IL7: variants seen among roughly 807,000 people sequenced by gnomAD.
IL7 encodes the protein interleukin 7.
Under a neutral mutation model 21.6 loss-of-function variants are expected in IL7, and 3 were observed. The observed-to-expected ratio is 0.14, with a 90% CI of 0.06 to 0.36. IL7 has a LOEUF of 0.36. Ranked by LOEUF, IL7 falls within the 10% of genes least tolerant of loss-of-function variation. IL7 has a pLI of 1.00. For synonymous variants in IL7, 62 were observed against 68.1 expected, an observed-to-expected ratio of 0.91 and a Z score of 0.44; for missense variants, 175 against 200.2, an observed-to-expected ratio of 0.87 and a Z score of 0.76.
At chr8:78,696,405 G>A (rs2130536844) in intron 3 of IL7, among the ~76,000 whole-genome samples, 1 of 152,256 alleles carries the variant, frequency 6.6e-6, no homozygotes. Context: ...ATGCAAGTAT[G>A]ATTTTCACCT....
intron 3 of IL7, among the ~76,000 whole-genome samples, chr8:78,711,143 G>A (rs1220454139): frequency 6.6e-6 from 1 of 152,102 alleles, no homozygotes; most frequent in Non-Finnish European, 1.5e-5. Context: ...AAAAAGAACA[G>A]ACTTTTAAAG....
chr8:78,685,210 GA>G (rs1376341946), intron 4 of IL7, among the ~76,000 whole-genome samples: 1 of 151,560 alleles, frequency 6.6e-6, no homozygotes, highest in African/African-American at 2.4e-5. Context: ...GTTGTGGGGG[GA>G]CAGGGAGGGG....
chr8:78,738,743 G>A lies in IL7; in HGVS notation c.229-108C>T, dbSNP rs2130684428. The A allele has an allele frequency of 1.0e-5, 9 of 900,890 alleles. No homozygotes were observed. The East Asian group carries it at 1.1e-4, about 11-fold the overall frequency. The allele number at this position is 900,890 out of a possible 1,614,324, so 55.8% of individuals were successfully genotyped here. On this transcript the variant is annotated intron_variant, in intron 3 of 5. Transcript: ENST00000263851. ...GAGCTATGTTGCTAGGTAATGCCCCGCCTCCACCCCAGCTTTCTATTCCAG... is the reference window on the plus strand; with the variant it reads ...GAGCTATGTTGCTAGGTAATGCCCCACCTCCACCCCAGCTTTCTATTCCAG...
At chr8:78,765,118 T>G (rs567752050) in intron 2 of IL7, among the ~76,000 whole-genome samples, 18 of 152,198 alleles carry the variant, frequency 1.2e-4, no homozygotes, top group African/African-American at 4.3e-4. Flanking sequence ...CAACTGGACA[T>G]TCACATCCAC....
intron 3 of IL7, among the ~76,000 whole-genome samples, chr8:78,697,037 G>A (rs754668436): frequency 8.5e-5 from 13 of 152,274 alleles, no homozygotes; most frequent in South Asian, 4.1e-4. Flanking sequence ...CTGAGAGGGA[G>A]TCTAGTTTGG....
chr8:78,717,180 C>A, downstream of IL7: 4 of 658,334 alleles, frequency 6.1e-6, no homozygotes, highest in Non-Finnish European at 9.4e-6. Flanking sequence ...TATTTACTAA[C>A]AAGGATTTTT....
At chr8:78,680,139 A>G (rs1809721405) in intron 4 of IL7, among the ~76,000 whole-genome samples, 1 of 152,164 alleles carries the variant, frequency 6.6e-6, no homozygotes, top group Non-Finnish European at 1.5e-5. Context: ...TAGGGATTAC[A>G]TAAGATTATC....
At chr8:78,801,117 T>TA (rs1461821016) in intron 1 of IL7, among the ~76,000 whole-genome samples, 1 of 152,212 alleles carries the variant, frequency 6.6e-6, no homozygotes, top group African/African-American at 2.4e-5. Context: ...CCTTGCCTGT[T>TA]AAGAGTGTTT....
chr8:78,800,112 T>G (rs1814002765), intron 1 of IL7, among the ~76,000 whole-genome samples: 1 of 152,118 alleles, frequency 6.6e-6, no homozygotes, highest in Non-Finnish European at 1.5e-5. Context: ...TGCCTATTAT[T>G]CCACCCTGTA....
At chr8:78,694,369 C>T (rs10109359) in intron 3 of IL7, among the ~76,000 whole-genome samples, 1 of 151,290 alleles carries the variant, frequency 6.6e-6, no homozygotes, top group Non-Finnish European at 1.5e-5. Flanking sequence ...ACAAGTAAAA[C>T]GGTATTCATG....
intron 3 of IL7, among the ~76,000 whole-genome samples, chr8:78,689,736 A>G (rs529339191): frequency 2.6e-4 from 39 of 152,226 alleles, no homozygotes; most frequent in South Asian, 1.0e-3. Context: ...GTATATTAAG[A>G]ATATTTTCTC....
exon 5 of IL7, chr8:78,676,050 T>C: frequency 2.4e-6 from 1 of 423,966 alleles, no homozygotes; most frequent in Non-Finnish European, 4.1e-6. Context: ...CTTCAGAGTT[T>C]GGTCTTCAGA....
At chr8:78,766,703 C>A (rs1330893519) in intron 2 of IL7, among the ~76,000 whole-genome samples, 1 of 152,054 alleles carries the variant, frequency 6.6e-6, no homozygotes. Context: ...ACAAATTATT[C>A]AATACTTATT....
chr8:78,694,286 GTTT>G (rs34581027), intron 3 of IL7, among the ~76,000 whole-genome samples: 1 of 142,466 alleles, frequency 7.0e-6, no homozygotes, highest in Non-Finnish European at 1.5e-5. Flanking sequence ...TATGTTCCTT[GTTT>G]TTTTTTTTTT....
chr8:78,791,386 TC>T (rs1387980291), intron 2 of IL7, among the ~76,000 whole-genome samples: 4 of 152,194 alleles, frequency 2.6e-5, no homozygotes, highest in Non-Finnish European at 4.4e-5. Context: ...ATGCCTGTAA[TC>T]CCAGCACTTC....
intron 2 of IL7, among the ~76,000 whole-genome samples, chr8:78,743,632 GTACTT>G (rs1811875183): frequency 6.6e-6 from 1 of 152,086 alleles, no homozygotes; most frequent in South Asian, 2.1e-4. Context: ...GGAGGATTAA[GTACTT>G]CTCTATACTG....
At chr8:78,696,031 CA>C (rs1810389150) in intron 3 of IL7, among the ~76,000 whole-genome samples, 1 of 151,442 alleles carries the variant, frequency 6.6e-6, no homozygotes, top group Admixed American at 6.6e-5. Context: ...AATTTAAAAC[CA>C]ATTTTTCTTT....
At chr8:78,711,681 G>T (rs1435150459) in intron 3 of IL7, among the ~76,000 whole-genome samples, 2 of 151,918 alleles carry the variant, frequency 1.3e-5, no homozygotes, top group African/African-American at 4.8e-5. Flanking sequence ...ATAGCTTCAT[G>T]ATTTTTTTTT....
chr8:78,767,129 G>A (rs1435331011), intron 2 of IL7, among the ~76,000 whole-genome samples: 1 of 151,894 alleles, frequency 6.6e-6, no homozygotes, highest in Non-Finnish European at 1.5e-5. Flanking sequence ...GTCTTTTAAT[G>A]ATCAGTTGAT....
Sources: gnomAD v4.1 joint callset for allele counts (sites outside exome capture counted in the v4.1 genomes callset) on GRCh38, gnomAD v4.1.1 for gene constraint, MANE v1.5 for transcripts, NCBI Gene and HGNC (gene_info 2026-07-23, HGNC 2026-07-21) for gene names.